The following CHD9 variants were observed in gnomAD, a reference collection of about 807,000 sequenced individuals.
CHD9 encodes ATP-dependent chromatin remodeler CHD9.
In CHD9, 77 loss-of-function variants were observed where a neutral mutation model predicts 316.1. That is an observed-to-expected ratio of 0.24 (90% CI 0.20 to 0.29). CHD9 has a LOEUF of 0.29. CHD9 is among the 10% of genes least tolerant of loss of function. The pLI is 1.00. For synonymous variants in CHD9, 1,129 were observed against 1,158.3 expected, an observed-to-expected ratio of 0.97 and a Z score of 0.51; for missense variants, 2,763 against 3,438.1, an observed-to-expected ratio of 0.80 and a Z score of 4.91.
intron 1 of CHD9, among the ~76,000 whole-genome samples, chr16:53,152,360 C>A (rs566384959): frequency 1.3e-5 from 2 of 152,206 alleles, no homozygotes; most frequent in African/African-American, 4.8e-5. Flanking sequence ...ACACTTCCTG[C>A]TTGTTTTTGG....
At chr16:53,200,762 G>A (rs2045386358) in intron 2 of CHD9, among the ~76,000 whole-genome samples, 1 of 152,084 alleles carries the variant, frequency 6.6e-6, no homozygotes, top group African/African-American at 2.4e-5. Flanking sequence ...TATAAAAAAA[G>A]ACATTTACAT....
At chr16:53,290,999 T>A (rs777386844) in intron 27 of CHD9, among the ~76,000 whole-genome samples, 1 of 152,144 alleles carries the variant, frequency 6.6e-6, no homozygotes, top group Non-Finnish European at 1.5e-5. Context: ...ATGTTATGAA[T>A]ACATGAATCC....
At chr16:53,075,940 T>C (rs531188778) in intron 1 of CHD9, among the ~76,000 whole-genome samples, 77 of 152,366 alleles carry the variant, frequency 5.1e-4, no homozygotes, top group Middle Eastern at 3.4e-3. Context: ...TTTCTGTTTT[T>C]TTCAGAGTAG....
chr16:53,227,600 A>G lies in CHD9; in HGVS notation c.2165A>G (p.Asn722Ser). ...GAAGAATTTTTTGTAAAATACAAGA[A>G]TTAGTAAGTATTTGAGTTAGAAAAA... ...DTEEFFVKYK[N>S]YSYLHCEWAT... The change falls in exon 7 of 39, where the codon AAT becomes AGT. Residue 722 changes from asparagine to serine, a missense_variant. Around this residue, in one of 15 missense-constraint regions of CHD9, gnomAD observed 859 missense variants for 890.4 expected, o/e 0.96. Coordinates refer to ENST00000447540, the MANE Select transcript of CHD9 (RefSeq NM_001308319.2). 8.9e-7 allele frequency: 1 copy of G among 1,126,664 alleles called. No homozygotes were observed. The highest frequency in any genetic ancestry group is 1.2e-6 in the Non-Finnish European group (1 of 808,436). 69.8% of individuals were successfully genotyped at this position (1,126,664 alleles called of 1,614,324 possible).
intron 1 of CHD9, among the ~76,000 whole-genome samples, chr16:53,074,211 A>G (rs2034334123): frequency 6.6e-6 from 1 of 152,100 alleles, no homozygotes; most frequent in South Asian, 2.1e-4. Flanking sequence ...AAATTGAGAG[A>G]GATGATTTAG....
At chr16:53,247,642 A>G in intron 16 of CHD9, 139 bp downstream of exon 16, 1 of 658,968 alleles carries the variant, frequency 1.5e-6, no homozygotes. Flanking sequence ...ATAAGTAAAG[A>G]TTGTTTAGGA....
chr16:53,184,244 A>T, intron 2 of CHD9, among the ~76,000 whole-genome samples: 1 of 115,252 alleles, frequency 8.7e-6, no homozygotes, highest in South Asian at 3.1e-4. Flanking sequence ...ATTCTATTTA[A>T]TCTTATCTCA....
At chr16:53,281,709 TG>T (rs2053435384) in intron 24 of CHD9, among the ~76,000 whole-genome samples, 1 of 152,214 alleles carries the variant, frequency 6.6e-6, no homozygotes, top group Non-Finnish European at 1.5e-5. Flanking sequence ...GCCACAGTGG[TG>T]GTTGTGTTTT....
At chr16:53,223,127 TGAC>T (rs1247655693) in intron 4 of CHD9, among the ~76,000 whole-genome samples, 1 of 152,152 alleles carries the variant, frequency 6.6e-6, no homozygotes, top group African/African-American at 2.4e-5. Context: ...CACATACAAA[TGAC>T]AGAGCAAATG....
At chr16:53,161,166 A>T (rs907039936) in intron 2 of CHD9, among the ~76,000 whole-genome samples, 3 of 152,170 alleles carry the variant, frequency 2.0e-5, no homozygotes, top group African/African-American at 7.2e-5. Flanking sequence ...GATATTTGGG[A>T]TTCGTTGATT....
chr16:53,296,823 A>C, intron 29 of CHD9, 133 bp from the exon 30 acceptor site: 1 of 590,252 alleles, frequency 1.7e-6, no homozygotes. Context: ...TTTACAAGGC[A>C]GCAAGCTTGT....
intron 2 of CHD9, among the ~76,000 whole-genome samples, chr16:53,186,467 G>A (rs1216286498): frequency 6.6e-6 from 1 of 152,200 alleles, no homozygotes; most frequent in African/African-American, 2.4e-5. Flanking sequence ...ATAGGTGGAA[G>A]GGACTTGCCT....
At chr16:53,318,134 G>A in intron 36 of CHD9, 78 bp from the exon 37 acceptor site, 1 of 1,158,700 alleles carries the variant, frequency 8.6e-7, no homozygotes, top group Non-Finnish European at 1.2e-6. Flanking sequence ...AAATTACTTG[G>A]ATCAGCTCAT....
chr16:53,177,025 G>A (rs1057106535), intron 2 of CHD9, among the ~76,000 whole-genome samples: 1 of 152,062 alleles, frequency 6.6e-6, no homozygotes, highest in Admixed American at 6.6e-5. Context: ...GCGCCATCTC[G>A]GCTCAATGCA....
intron 27 of CHD9, among the ~76,000 whole-genome samples, chr16:53,289,961 G>A (rs1243581953): frequency 6.6e-6 from 1 of 152,194 alleles, no homozygotes; most frequent in Non-Finnish European, 1.5e-5. Flanking sequence ...AAAAGCTGCT[G>A]ACCAAGAGTG....
intron 11 of CHD9, 110 bp downstream of exon 11, chr16:53,235,416 T>G (rs2048537477): frequency 5.2e-6 from 4 of 762,318 alleles, no homozygotes; most frequent in Non-Finnish European, 7.8e-6. Flanking sequence ...GAAGTCTTCA[T>G]TATTTAAAGT....
At chr16:53,102,637 G>C (rs1171656982) in intron 1 of CHD9, among the ~76,000 whole-genome samples, 1 of 152,048 alleles carries the variant, frequency 6.6e-6, no homozygotes, top group African/African-American at 2.4e-5. Context: ...AATCACTTGA[G>C]GCCAGTCTTC....
intron 12 of CHD9, among the ~76,000 whole-genome samples, chr16:53,241,761 G>T (rs1326201472): frequency 1.3e-5 from 2 of 152,108 alleles, no homozygotes; most frequent in Admixed American, 6.5e-5. Flanking sequence ...AAGATTTCTT[G>T]CTTGCATTAC....
At chr16:53,221,063 G>A (rs1411048315) in intron 3 of CHD9, among the ~76,000 whole-genome samples, 1 of 152,174 alleles carries the variant, frequency 6.6e-6, no homozygotes, top group African/African-American at 2.4e-5. Context: ...GATACTTTAA[G>A]GTTAGGAACT....
Sources: gnomAD v4.1 joint callset for allele counts (sites outside exome capture counted in the v4.1 genomes callset) on GRCh38, gnomAD v4.1.1 for gene constraint, gnomAD v4.1.1 regional missense constraint, MANE v1.5 for transcripts, NCBI Gene and HGNC (gene_info 2026-07-23, HGNC 2026-07-21) for gene names.